DDAH1: variants seen among roughly 807,000 people sequenced by gnomAD.
DDAH1 encodes dimethylarginine dimethylaminohydrolase 1.
In DDAH1, 19 loss-of-function variants were observed where a neutral mutation model predicts 28.8. The observed-to-expected ratio is 0.66, with a 90% CI of 0.46 to 0.97. The LOEUF is 0.97. Among genes scored for constraint, DDAH1 ranks in the 50% least tolerant of loss-of-function variants. DDAH1 has a pLI of 0.00. For missense variants in DDAH1, 326 were observed against 375.9 expected, an observed-to-expected ratio of 0.87 and a Z score of 1.10; for synonymous variants, 153 against 154.4, an observed-to-expected ratio of 0.99 and a Z score of 0.07.
At chr1:85,567,742 A>G (rs1659343152) in intron 1 of DDAH1, among the ~76,000 whole-genome samples, 1 of 152,220 alleles carries the variant, frequency 6.6e-6, no homozygotes, top group African/African-American at 2.4e-5. Flanking sequence ...AAAACCTAAC[A>G]GAAGTAAAAA....
At chr1:85,487,670 G>A (rs1656249682) in intron 2 of DDAH1, among the ~76,000 whole-genome samples, 2 of 152,116 alleles carry the variant, frequency 1.3e-5, no homozygotes, top group Non-Finnish European at 2.9e-5. Flanking sequence ...AGTATAAAAA[G>A]ATATACAGCA....
chr1:85,524,064 T>C (rs1657779271), intron 1 of DDAH1, among the ~76,000 whole-genome samples: 1 of 151,718 alleles, frequency 6.6e-6, no homozygotes, highest in African/African-American at 2.4e-5. Flanking sequence ...GACACACATT[T>C]ACCAAGTACT....
chr1:85,473,793 T>C (rs10158333), intron 2 of DDAH1, among the ~76,000 whole-genome samples: 39,081 of 152,098 alleles, frequency 0.26, 5,168 homozygotes, highest in East Asian at 0.32. Flanking sequence ...AATGTTGGTA[T>C]TTCCCAGAGT....
intron 4 of DDAH1, 130 bp from the exon 5 acceptor site, chr1:85,325,013 A>G (rs1257275878): frequency 9.7e-7 from 1 of 1,027,234 alleles, no homozygotes; most frequent in Admixed American, 2.8e-5. Flanking sequence ...ATTCCCATCT[A>G]TTACCTCCAG....
chr1:85,563,752 A>C (rs1205122077), intron 1 of DDAH1, among the ~76,000 whole-genome samples: 1 of 152,262 alleles, frequency 6.6e-6, no homozygotes, highest in East Asian at 1.9e-4. Flanking sequence ...TTAGTAGATA[A>C]AGAGATTAAG....
At position 85,489,914 on chromosome 1, in the gene DDAH1, C is replaced by T. The variant is rs180787741; in HGVS notation, c.-7+6252G>A. ...TATTGATGGTTTTTTGAAATGATCA[C>T]GGAGGGAAGAAGAAAGACAGGATTA... On this transcript the variant is annotated intron_variant, in intron 2 of 6. Coordinates refer to the DDAH1 transcript ENST00000426972. Among the ~76,000 whole-genome samples the T allele has an allele frequency of 3.2e-4, 48 of 152,014 alleles. No homozygotes were observed. In the East Asian group the frequency reaches 6.4e-3, roughly 20 times the overall value.
At chr1:85,520,128 T>G (rs1657631112) in intron 1 of DDAH1, among the ~76,000 whole-genome samples, 1 of 152,168 alleles carries the variant, frequency 6.6e-6, no homozygotes, top group Admixed American at 6.6e-5. Context: ...ATCCCCAAAG[T>G]CCACTGTATC....
chr1:85,454,176 T>C (rs971344253), intron 1 of DDAH1, among the ~76,000 whole-genome samples: 2 of 152,222 alleles, frequency 1.3e-5, no homozygotes, highest in Non-Finnish European at 2.9e-5. Context: ...AAACTATGCT[T>C]TCCTGTCTTA....
chr1:85,545,798 G>A (rs899908649), intron 1 of DDAH1, among the ~76,000 whole-genome samples: 6 of 152,056 alleles, frequency 3.9e-5, no homozygotes, highest in Non-Finnish European at 8.8e-5. Context: ...GGGAGGAGGG[G>A]GGAGAAGAAG....
At chr1:85,377,927 C>T (rs1167179878) in intron 1 of DDAH1, among the ~76,000 whole-genome samples, 1 of 152,146 alleles carries the variant, frequency 6.6e-6, no homozygotes, top group African/African-American at 2.4e-5. Flanking sequence ...CAGCTGAACA[C>T]TTGGCAAATG....
Position 85,350,545 on chromosome 1 carries a change from A to G in DDAH1, c.478-11T>C. Reference sequence around the variant, plus strand: ...GGAGACTGCATAGTCCTACGTGGACAATAGAAAAACAAGCAGTTTAGTATT... The same window carrying G: ...GGAGACTGCATAGTCCTACGTGGACGATAGAAAAACAAGCAGTTTAGTATT... On this transcript the variant is annotated splice_polypyrimidine_tract_variant and intron_variant, in intron 3 of 5. Transcript: ENST00000284031. The G allele has an allele frequency of 6.2e-7, 1 of 1,609,690 alleles. No individual in the cohort carries two copies. The highest frequency in any genetic ancestry group is 8.5e-7 in the Non-Finnish European group (1 of 1,178,824).
intron 4 of DDAH1, among the ~76,000 whole-genome samples, chr1:85,332,818 G>C (rs1453184485): frequency 6.6e-6 from 1 of 152,206 alleles, no homozygotes; most frequent in Admixed American, 6.5e-5. Flanking sequence ...TGGAACTTGA[G>C]AATAGGCCTG....
intron 1 of DDAH1, among the ~76,000 whole-genome samples, chr1:85,505,233 G>A (rs150140135): frequency 1.3e-5 from 2 of 151,530 alleles, no homozygotes. Context: ...TACCTGCCTT[G>A]GCCTCCCAAA....
intron 1 of DDAH1, among the ~76,000 whole-genome samples, chr1:85,514,395 G>A (rs1657369500): frequency 1.3e-5 from 2 of 152,058 alleles, no homozygotes; most frequent in Non-Finnish European, 2.9e-5. Context: ...GGGCTTGGGA[G>A]CTGGGGGATA....
chr1:85,428,294 G>C (rs12029221), intron 1 of DDAH1, among the ~76,000 whole-genome samples: 21,317 of 152,194 alleles, frequency 0.14, 1,676 homozygotes, highest in South Asian at 0.29. Flanking sequence ...TGGACTCACA[G>C]TTCCACATGG....
chr1:85,413,394 A>G (rs1226734927), intron 1 of DDAH1, among the ~76,000 whole-genome samples: 2 of 152,238 alleles, frequency 1.3e-5, no homozygotes, highest in African/African-American at 4.8e-5. Flanking sequence ...GCCTTCAAAA[A>G]TCTAATGCTC....
chr1:85,360,878 C>T (rs1405106879), intron 1 of DDAH1, among the ~76,000 whole-genome samples: 1 of 152,080 alleles, frequency 6.6e-6, no homozygotes, highest in African/African-American at 2.4e-5. Flanking sequence ...GCTGCACTGA[C>T]ATTAAAAAAA....
intron 1 of DDAH1, among the ~76,000 whole-genome samples, chr1:85,524,332 T>C (rs1657788626): frequency 6.9e-6 from 1 of 144,720 alleles, no homozygotes; most frequent in African/African-American, 2.6e-5. Flanking sequence ...GCTGGGGTGA[T>C]CTGGAAAAAC....
In DDAH1 at chr1:85,324,833, A is replaced by G; in HGVS notation, c.648T>C (p.Asp216=). The G allele has an allele frequency of 6.2e-7, 1 of 1,614,106 alleles. No homozygotes were observed. The highest frequency in any genetic ancestry group is 1.7e-5 in the Admixed American group (1 of 60,020). Residue 216 remains aspartate (D), a synonymous_variant, in exon 5 of 6, where the codon GAT becomes GAC. Coordinates refer to ENST00000284031, the MANE Select transcript of DDAH1 (RefSeq NM_012137.4). ...DHRYDKLTVP[D]DIAANCIYLN... is the part of the protein sequence containing the mutation. ...GATATATACAGTTTGCTGCTATGTC[A>G]TCAGGCACAGTGAGTTTGTCGTAGC...
Sources: allele counts gnomAD v4.1 joint callset (sites outside exome capture counted in the v4.1 genomes callset), GRCh38; gene constraint gnomAD v4.1.1; transcripts MANE v1.5; gene names NCBI Gene and HGNC (gene_info 2026-07-23, HGNC 2026-07-21).